SCTR: variants seen among roughly 807,000 people sequenced by gnomAD.
SCTR encodes pancreatic secretin receptor.
SCTR carries 56 observed loss-of-function variants against 60.8 expected under a neutral mutation model. That is an observed-to-expected ratio of 0.92 (90% CI 0.74 to 1.15). The LOEUF is 1.15. Ranked by LOEUF, SCTR falls within the 50% of genes most tolerant of loss-of-function variation. The pLI is 0.00. For missense variants in SCTR, 562 were observed against 550.4 expected, an observed-to-expected ratio of 1.02 and a Z score of -0.21; for synonymous variants, 202 against 217.0, an observed-to-expected ratio of 0.93 and a Z score of 0.61.
In SCTR at chr2:119,440,257, C is replaced by T. The variant is rs773209570; in HGVS notation, c.1183G>A (p.Val395Met). The change falls in exon 13 of 13, where the codon GTG (valine) becomes ATG (methionine). Residue 395 changes from valine to methionine, a missense_variant and splice_region_variant. By Grantham distance (21) the Val-to-Met change is conservative (BLOSUM62 1). Transcript: ENST00000019103. ...AVLYCFLNGEVQLEVQKKWQQ... is the reference protein window; with the variant it reads ...AVLYCFLNGEMQLEVQKKWQQ... ...CACTTCTTCTGAACCTCCAGCTGCA[C>T]CTGCCCGGGAGACCAGCCATCAGCC... 8.7e-6 allele frequency: 14 copies of T among 1,612,168 alleles called. No homozygotes were observed. The highest frequency in any genetic ancestry group is 3.3e-5 in the South Asian group (3 of 90,728).
At chr2:119,450,772 C>A (rs1229859530) in intron 9 of SCTR, among the ~76,000 whole-genome samples, 8 of 152,020 alleles carry the variant, frequency 5.3e-5, no homozygotes, top group Admixed American at 3.9e-4. Flanking sequence ...GAATTCAAGA[C>A]CAGCCTGGGC....
intron 3 of SCTR, among the ~76,000 whole-genome samples, chr2:119,474,102 T>A (rs1677157096): frequency 6.6e-6 from 1 of 152,270 alleles, no homozygotes; most frequent in African/African-American, 2.4e-5. Flanking sequence ...TGCATTTCTC[T>A]GCATAATAGA....
At chr2:119,454,297 C>A (rs994436164) in intron 7 of SCTR, among the ~76,000 whole-genome samples, 3 of 152,228 alleles carry the variant, frequency 2.0e-5, no homozygotes, top group Non-Finnish European at 4.4e-5. Flanking sequence ...CAGATAAGCA[C>A]CCCAGGCGGC....
intron 3 of SCTR, among the ~76,000 whole-genome samples, chr2:119,475,450 G>C (rs935782864): frequency 3.3e-5 from 5 of 151,980 alleles, no homozygotes; most frequent in Non-Finnish European, 5.9e-5. Flanking sequence ...GCCCAGAGCT[G>C]CTAACAAGGC....
At chr2:119,459,874 T>C (rs1197503058) in intron 7 of SCTR, among the ~76,000 whole-genome samples, 3 of 152,176 alleles carry the variant, frequency 2.0e-5, no homozygotes. Flanking sequence ...TTCATACAGC[T>C]GAATCTTGGC....
At chr2:119,442,014 C>T (rs943997730) in intron 11 of SCTR, among the ~76,000 whole-genome samples, 4 of 152,222 alleles carry the variant, frequency 2.6e-5, no homozygotes, top group African/African-American at 9.6e-5. Context: ...AACTGGAAAT[C>T]TGAATATGTT....
At chr2:119,519,810 C>CAAAAAAAAAA (rs71396064) in intron 1 of SCTR, among the ~76,000 whole-genome samples, 1 of 58,264 alleles carries the variant, frequency 1.7e-5, no homozygotes, top group Non-Finnish European at 3.3e-5. Context: ...GACTCTGTCT[C>CAAAAAAAAAA]AAAAAAAAAA....
intron 1 of SCTR, among the ~76,000 whole-genome samples, chr2:119,502,084 C>T (rs533329511): frequency 1.3e-5 from 2 of 152,134 alleles, no homozygotes; most frequent in African/African-American, 4.8e-5. Context: ...GTCAAAACCC[C>T]ATTTCTACAA....
intron 7 of SCTR, among the ~76,000 whole-genome samples, chr2:119,454,747 G>A (rs982690199): frequency 4.6e-5 from 7 of 151,998 alleles, no homozygotes; most frequent in Admixed American, 1.3e-4. Flanking sequence ...CCAGCTACTC[G>A]GGAGGCTGAG....
At chr2:119,447,132 A>T (rs547146769) in intron 10 of SCTR, among the ~76,000 whole-genome samples, 20,089 of 151,996 alleles carry the variant, frequency 0.13, 1,670 homozygotes, top group East Asian at 0.31. Flanking sequence ...CTCCATCAGT[A>T]AAAAGAAAAA....
Position 119,478,906 on chromosome 2 carries a change from A to G in SCTR, c.206T>C (p.Met69Thr), listed in dbSNP as rs764522430. 7.2e-5 allele frequency: 117 copies of G among 1,614,048 alleles called. No individual in the cohort carries two copies. The highest frequency in any genetic ancestry group is 3.5e-4 in the Admixed American group (21 of 60,002). ...GGGCCAGCAGCTTATGTTGTCCCAC[A>G]TCCCCTCACAACCTGCCAAGAAAAG... ...TEQPVPGCEGMWDNISCWPSS... is the reference protein window; with the variant it reads ...TEQPVPGCEGTWDNISCWPSS... The change falls in exon 3 of 13, where the codon ATG (methionine) becomes ACG (threonine). Residue 69 changes from methionine to threonine, a missense_variant. Coordinates refer to ENST00000019103, the MANE Select transcript of SCTR (RefSeq NM_002980.3).
chr2:119,498,136 A>G (rs753957176), intron 1 of SCTR, among the ~76,000 whole-genome samples: 5 of 152,168 alleles, frequency 3.3e-5, no homozygotes, highest in Non-Finnish European at 5.9e-5. Flanking sequence ...GCCAGAGAAA[A>G]ACTACACTTT....
chr2:119,462,639 G>A (rs1421953308), intron 6 of SCTR, among the ~76,000 whole-genome samples: 2 of 152,198 alleles, frequency 1.3e-5, no homozygotes, highest in African/African-American at 4.8e-5. Context: ...GGGGCACCAG[G>A]CTTCTACACC....
At chr2:119,468,094 A>C (rs1453705118) in intron 4 of SCTR, among the ~76,000 whole-genome samples, 1 of 152,238 alleles carries the variant, frequency 6.6e-6, no homozygotes, top group Non-Finnish European at 1.5e-5. Flanking sequence ...CAAGATTGTA[A>C]AGAGATATGG....
chr2:119,521,182 G>C (rs867998368), intron 1 of SCTR, among the ~76,000 whole-genome samples: 1 of 152,144 alleles, frequency 6.6e-6, no homozygotes, highest in East Asian at 1.9e-4. Context: ...TAACAAATTG[G>C]CAGTTTGCCA....
At chr2:119,517,922 T>A (rs1679166412) in intron 1 of SCTR, among the ~76,000 whole-genome samples, 1 of 152,080 alleles carries the variant, frequency 6.6e-6, no homozygotes, top group South Asian at 2.1e-4. Flanking sequence ...GTAGGGCCCA[T>A]AAGGAGGTAA....
chr2:119,503,158 CAAAAAAA>C (rs61479294), intron 1 of SCTR, among the ~76,000 whole-genome samples: 2 of 69,600 alleles, frequency 2.9e-5, no homozygotes, highest in Admixed American at 1.7e-4. Flanking sequence ...GACTCCATCT[CAAAAAAA>C]AAAAAAAAAA....
intron 4 of SCTR, among the ~76,000 whole-genome samples, chr2:119,466,602 A>G (rs1683844694): frequency 6.6e-6 from 1 of 152,128 alleles, no homozygotes; most frequent in Admixed American, 6.5e-5. Flanking sequence ...AAATTTTAAA[A>G]TTAGCCAGGC....
chr2:119,512,076 T>C (rs1159640458), intron 1 of SCTR, among the ~76,000 whole-genome samples: 2 of 152,216 alleles, frequency 1.3e-5, no homozygotes, highest in Non-Finnish European at 2.9e-5. Flanking sequence ...TGTTTTTAAA[T>C]TTATTGATTG....
Sources: gnomAD v4.1 joint callset for allele counts (sites outside exome capture counted in the v4.1 genomes callset) on GRCh38, gnomAD v4.1.1 for gene constraint, MANE v1.5 for transcripts, NCBI Gene and HGNC (gene_info 2026-07-23, HGNC 2026-07-21) for gene names.